Variants in MYO5A observed in about 807,000 individuals in gnomAD.
The protein encoded by MYO5A is myosin VA, also known as unconventional myosin-Va.
Under a neutral mutation model 249.7 loss-of-function variants are expected in MYO5A, and 98 were observed. The observed-to-expected ratio is 0.39, with a 90% CI of 0.33 to 0.46. MYO5A has a LOEUF of 0.46. Ranked by LOEUF, MYO5A falls within the 20% of genes least tolerant of loss-of-function variation. The pLI is 0.98. For missense variants in MYO5A, 1,696 were observed against 2,308.8 expected, an observed-to-expected ratio of 0.73 and a Z score of 5.44; for synonymous variants, 778 against 810.6, an observed-to-expected ratio of 0.96 and a Z score of 0.68.
intron 15 of MYO5A, 71 bp from the exon 16 acceptor site, chr15:52,383,259 A>G: frequency 7.9e-7 from 1 of 1,273,632 alleles, no homozygotes; most frequent in Non-Finnish European, 1.1e-6. Flanking sequence ...AACAATGGGA[A>G]ATTCCCTTCC....
intron 9 of MYO5A, among the ~76,000 whole-genome samples, chr15:52,400,658 T>C (rs1011354787): frequency 6.6e-6 from 1 of 152,186 alleles, no homozygotes; most frequent in African/African-American, 2.4e-5. Flanking sequence ...TCTATGATGT[T>C]ACCTCATGAT....
At chr15:52,500,906 A>G (rs2077141906) in intron 1 of MYO5A, among the ~76,000 whole-genome samples, 1 of 152,084 alleles carries the variant, frequency 6.6e-6, no homozygotes, top group South Asian at 2.1e-4. Flanking sequence ...AGCATCAAAC[A>G]ATGCTTTAAA....
intron 1 of MYO5A, among the ~76,000 whole-genome samples, chr15:52,449,602 T>C (rs1301170852): frequency 6.6e-6 from 1 of 152,218 alleles, no homozygotes; most frequent in Admixed American, 6.5e-5. Context: ...TAATCATTCC[T>C]TTCCCATTTC....
At position 52,395,029 on chromosome 15, in the gene MYO5A, T is replaced by C. The variant is rs137991966; in HGVS notation, c.1401+1287A>G. The stretch of plus-strand genomic sequence containing the variant: ...ATGGTTCAAGTTTTTTCAAAGTATA[T>C]GGAATATTTAATCAAACAGTCTAAA... On this transcript the variant is annotated intron_variant, in intron 11 of 41. Transcript: ENST00000399233. 2.1e-3 allele frequency among the ~76,000 whole-genome samples: 321 copies of C among 152,316 alleles called. 1 individual carries two copies. The highest frequency in any genetic ancestry group is 6.9e-3 in the East Asian group (36 of 5,190).
intron 1 of MYO5A, among the ~76,000 whole-genome samples, chr15:52,440,844 T>C (rs867409169): frequency 1.8e-4 from 28 of 152,384 alleles, no homozygotes; most frequent in African/African-American, 6.5e-4. Flanking sequence ...TATACATTAT[T>C]TGCTTTATAG....
chr15:52,468,162 C>G (rs1475635342), intron 1 of MYO5A, among the ~76,000 whole-genome samples: 1 of 151,984 alleles, frequency 6.6e-6, no homozygotes, highest in Non-Finnish European at 1.5e-5. Flanking sequence ...CCAGCCTGGG[C>G]AATACAGTGA....
chr15:52,465,568 G>T (rs2076335763), intron 1 of MYO5A, among the ~76,000 whole-genome samples: 1 of 152,108 alleles, frequency 6.6e-6, no homozygotes, highest in Non-Finnish European at 1.5e-5. Flanking sequence ...AGGGCAGGAG[G>T]ATTGCTTGAA....
At chr15:52,407,256 A>G (rs1360770167) in intron 8 of MYO5A, 36 bp downstream of exon 8, 12 of 1,467,582 alleles carry the variant, frequency 8.2e-6, no homozygotes, top group Non-Finnish European at 1.1e-5. Flanking sequence ...TAAAAAAGCT[A>G]TTCCTCTTAA....
chr15:52,477,921 C>A (rs963870028), intron 1 of MYO5A, among the ~76,000 whole-genome samples: 4 of 152,192 alleles, frequency 2.6e-5, no homozygotes, highest in Non-Finnish European at 5.9e-5. Flanking sequence ...CTGGGAGAAC[C>A]ACTACTCTCT....
chr15:52,455,443 G>A (rs1206033659), intron 1 of MYO5A, among the ~76,000 whole-genome samples: 1 of 151,988 alleles, frequency 6.6e-6, no homozygotes, highest in Non-Finnish European at 1.5e-5. Flanking sequence ...GTGGGGAATA[G>A]TTCCGAACTC....
At chr15:52,470,939 C>T (rs1193674657) in intron 1 of MYO5A, among the ~76,000 whole-genome samples, 1 of 150,960 alleles carries the variant, frequency 6.6e-6, no homozygotes, top group Non-Finnish European at 1.5e-5. Flanking sequence ...AGGAGAACTG[C>T]TTGAACCCGG....
chr15:52,450,846 T>TTTTGTTTG (rs1038657160), intron 1 of MYO5A, among the ~76,000 whole-genome samples: 3 of 130,084 alleles, frequency 2.3e-5, no homozygotes, highest in African/African-American at 9.1e-5. Context: ...TACTGTGGTT[T>TTTTGTTTG]TTTTTTTTTT....
chr15:52,405,015 C>T (rs2042935287), intron 9 of MYO5A, among the ~76,000 whole-genome samples: 1 of 150,012 alleles, frequency 6.7e-6, no homozygotes, highest in Admixed American at 6.7e-5. Context: ...TCACTAATCT[C>T]ATCTATCCAA....
chr15:52,463,874 C>T (rs995559264), intron 1 of MYO5A, among the ~76,000 whole-genome samples: 27 of 152,160 alleles, frequency 1.8e-4, no homozygotes, highest in African/African-American at 6.5e-4. Flanking sequence ...TAAACAGTGC[C>T]TCACATCCTC....
intron 1 of MYO5A, among the ~76,000 whole-genome samples, chr15:52,525,270 G>T (rs2077710816): frequency 6.6e-6 from 1 of 152,120 alleles, no homozygotes; most frequent in South Asian, 2.1e-4. Context: ...TTTAAATGGT[G>T]AATTATATGG....
intron 1 of MYO5A, among the ~76,000 whole-genome samples, chr15:52,440,465 G>A (rs899626163): frequency 4.6e-5 from 7 of 152,162 alleles, no homozygotes; most frequent in African/African-American, 1.7e-4. Flanking sequence ...ACGGGGCTTC[G>A]CCATGTTGGC....
chr15:52,382,463 C>T (rs1173507078), intron 16 of MYO5A, among the ~76,000 whole-genome samples: 3 of 151,992 alleles, frequency 2.0e-5, no homozygotes, highest in Non-Finnish European at 4.4e-5. Flanking sequence ...CCCAGCTACT[C>T]GGGAGGCTGA....
At chr15:52,315,240 C>T (rs2037940360) in intron 40 of MYO5A, among the ~76,000 whole-genome samples, 1 of 152,144 alleles carries the variant, frequency 6.6e-6, no homozygotes, top group Non-Finnish European at 1.5e-5. Context: ...GGGCTTCCTC[C>T]AGGGTATTCT....
At position 52,307,559 on chromosome 15, in the gene MYO5A, T is replaced by C. The variant is rs1355805624; in HGVS notation, c.*6137A>G. 1 of 152,190 alleles carries C rather than the reference T, an allele frequency of 6.6e-6. No homozygotes were observed. Among genetic ancestry groups the C allele is most frequent in the Non-Finnish European group, 1.5e-5 (1 of 67,986 alleles). 9.4% of individuals were successfully genotyped at this position (152,190 alleles called of 1,614,324 possible). Reference sequence around the variant, plus strand: ...GGTTCTAGAGTCTAGAGTTAGTTGATAATGCCTTTCATGTCTCAGTATTTC... The same window carrying C: ...GGTTCTAGAGTCTAGAGTTAGTTGACAATGCCTTTCATGTCTCAGTATTTC... On this transcript the variant is annotated 3_prime_UTR_variant, in exon 42 of 42. Coordinates refer to ENST00000399233, the MANE Select transcript of MYO5A (RefSeq NM_001382347.1).
Sources: gnomAD v4.1 joint callset for allele counts (sites outside exome capture counted in the v4.1 genomes callset) on GRCh38, gnomAD v4.1.1 for gene constraint, MANE v1.5 for transcripts, NCBI Gene and HGNC (gene_info 2026-07-23, HGNC 2026-07-21) for gene names.